Variants in GRK5 observed in about 807,000 individuals in gnomAD.
GRK5 encodes the protein G protein-coupled receptor kinase 5, also known as g protein-coupled receptor kinase GRK5.
A neutral mutation model predicts 78.4 loss-of-function variants in GRK5; 40 were observed. That is an observed-to-expected ratio of 0.51 (90% CI 0.40 to 0.66). The LOEUF is 0.66. Ranked by LOEUF, GRK5 falls within the 30% of genes least tolerant of loss-of-function variation. The pLI is 0.00. For missense variants in GRK5, 598 were observed against 759.9 expected, an observed-to-expected ratio of 0.79 and a Z score of 2.50; for synonymous variants, 289 against 296.8, an observed-to-expected ratio of 0.97 and a Z score of 0.27.
rs559152031 is a variant in GRK5 at position 119,259,172 on chromosome 10, C to G, written c.52+51203C>G. Among the ~76,000 whole-genome samples, 14 of 150,018 alleles carry G rather than the reference C, an allele frequency of 9.3e-5. No homozygotes were observed. The East Asian group carries it at 2.6e-3, about 28-fold the overall frequency. ...CTCCGTCTCCCAGGTTCACGCCATTCTCCTGCCTCAGCCTCCCGAGTAGCT... is the reference window on the plus strand; with the variant it reads ...CTCCGTCTCCCAGGTTCACGCCATTGTCCTGCCTCAGCCTCCCGAGTAGCT... On this transcript the variant is annotated intron_variant, in intron 1 of 15. Coordinates refer to ENST00000392870, the MANE Select transcript of GRK5 (RefSeq NM_005308.3).
intron 2 of GRK5, chr10:119,335,781 G>A (rs975999161): frequency 1.3e-5 from 2 of 152,258 alleles, no homozygotes; most frequent in Non-Finnish European, 2.9e-5. Flanking sequence ...CAGCAGCGAG[G>A]GCTCCTGGAA....
At chr10:119,251,618 G>A (rs893488533) in intron 1 of GRK5, among the ~76,000 whole-genome samples, 2 of 152,170 alleles carry the variant, frequency 1.3e-5, no homozygotes, top group Non-Finnish European at 2.9e-5. Context: ...CTTCTAAAGC[G>A]ATGATGAAAG....
chr10:119,394,547 GGGCACGTGTATGTT>G lies in GRK5; in HGVS notation c.262-2147_262-2134del, dbSNP rs1444735686. On this transcript the variant is annotated intron_variant, in intron 3 of 15. Coordinates refer to ENST00000392870, the MANE Select transcript of GRK5 (RefSeq NM_005308.3). ...TGTGTGGGTGTGTATCTGTGTGTGG[GGGCACGTGTATGTT>G]TGGGTGTGTGTGTGTCTGTGTGTGG... Among the ~76,000 whole-genome samples, 10 of 14,428 alleles carry G rather than the reference GGGCACGTGTATGTT, an allele frequency of 6.9e-4. 2 individuals carry two copies. The highest frequency in any genetic ancestry group is 1.4e-3 in the Non-Finnish European group (9 of 6,292). The allele number at this position is 14,428 out of a possible 152,430, so 9.5% of individuals were successfully genotyped here.
chr10:119,282,236 G>A (rs890949067), intron 1 of GRK5, among the ~76,000 whole-genome samples: 3 of 152,138 alleles, frequency 2.0e-5, no homozygotes, highest in Non-Finnish European at 2.9e-5. Flanking sequence ...GTGAGCACTG[G>A]GCTGTCTCTT....
intron 1 of GRK5, among the ~76,000 whole-genome samples, chr10:119,258,723 G>A (rs1305095202): frequency 2.6e-5 from 4 of 152,274 alleles, no homozygotes; most frequent in Non-Finnish European, 4.4e-5. Flanking sequence ...TAGTTTATCC[G>A]GGGGTCAATG....
intron 4 of GRK5, among the ~76,000 whole-genome samples, chr10:119,419,451 T>C (rs2133879959): frequency 6.6e-6 from 1 of 152,368 alleles, no homozygotes; most frequent in South Asian, 2.1e-4. Flanking sequence ...TCAGACGCAA[T>C]GGCCAGCAGC....
intron 1 of GRK5, among the ~76,000 whole-genome samples, chr10:119,249,790 T>C (rs754411270): frequency 1.3e-5 from 2 of 152,272 alleles, no homozygotes. Context: ...CGTGAGCCAC[T>C]GCGTCCAGCT....
intron 12 of GRK5, among the ~76,000 whole-genome samples, chr10:119,444,032 T>C (rs1853094245): frequency 6.6e-6 from 1 of 152,046 alleles, no homozygotes; most frequent in African/African-American, 2.4e-5. Flanking sequence ...ACATCCAGCC[T>C]GTGGGGGGGT....
At chr10:119,388,711 A>G (rs575237126) in intron 3 of GRK5, among the ~76,000 whole-genome samples, 1 of 152,378 alleles carries the variant, frequency 6.6e-6, no homozygotes, top group Admixed American at 6.5e-5. Flanking sequence ...TTTGTGGGTC[A>G]GGAATTTGGG....
At chr10:119,262,270 C>G (rs1042806184) in intron 1 of GRK5, among the ~76,000 whole-genome samples, 1 of 149,674 alleles carries the variant, frequency 6.7e-6, no homozygotes, top group Non-Finnish European at 1.5e-5. Context: ...TTTCTGAAGT[C>G]AGAGCCAAAT....
chr10:119,338,720 G>C (rs1459398056), intron 2 of GRK5, among the ~76,000 whole-genome samples: 1 of 151,306 alleles, frequency 6.6e-6, no homozygotes, highest in Non-Finnish European at 1.5e-5. Context: ...CATCCACCCA[G>C]GCCCCCGGTC....
chr10:119,290,158 G>A (rs1226342364), intron 1 of GRK5, among the ~76,000 whole-genome samples: 3 of 151,926 alleles, frequency 2.0e-5, no homozygotes, highest in Non-Finnish European at 2.9e-5. Context: ...ACTACCCTGG[G>A]TAACATGGTG....
intron 2 of GRK5, among the ~76,000 whole-genome samples, chr10:119,332,323 T>A (rs1850795815): frequency 6.6e-6 from 1 of 152,104 alleles, no homozygotes; most frequent in South Asian, 2.1e-4. Flanking sequence ...CCCAGGCTGG[T>A]CTCAAACTCC....
chr10:119,277,425 A>G (rs915845054), intron 1 of GRK5, among the ~76,000 whole-genome samples: 1 of 152,142 alleles, frequency 6.6e-6, no homozygotes, highest in Non-Finnish European at 1.5e-5. Flanking sequence ...TGATCTCTGC[A>G]TGCATTCTGT....
intron 1 of GRK5, among the ~76,000 whole-genome samples, chr10:119,269,099 C>G (rs948353813): frequency 1.3e-5 from 2 of 152,216 alleles, no homozygotes; most frequent in African/African-American, 4.8e-5. Context: ...TTACCTCATT[C>G]TAGACTCTTC....
chr10:119,249,962 T>C (rs1467077880), intron 1 of GRK5, among the ~76,000 whole-genome samples: 1 of 152,216 alleles, frequency 6.6e-6, no homozygotes, highest in Non-Finnish European at 1.5e-5. Flanking sequence ...ATGGCCCCAC[T>C]AAGTCATGCT....
intron 1 of GRK5, among the ~76,000 whole-genome samples, chr10:119,246,432 G>T (rs1055455964): frequency 6.6e-6 from 1 of 152,176 alleles, no homozygotes; most frequent in African/African-American, 2.4e-5. Flanking sequence ...GGAACCTGTG[G>T]ATAGGGAGGG....
chr10:119,218,074 TTGTGTGTG>T lies in GRK5; in HGVS notation c.52+10127_52+10134del, dbSNP rs59742803. Among the ~76,000 whole-genome samples, 22 of 146,586 alleles carry T rather than the reference TTGTGTGTG, an allele frequency of 1.5e-4. 1 individual carries two copies. In the East Asian group the frequency reaches 2.8e-3, roughly 19 times the overall value. ...GCATTTAGAAACCATGTCAACCCGT[TTGTGTGTG>T]TGTGTGTGTGTGTGTGTGTGTTGCG... On this transcript the variant is annotated intron_variant, in intron 1 of 15. Transcript: ENST00000392870.
intron 1 of GRK5, among the ~76,000 whole-genome samples, chr10:119,325,350 G>T (rs975283887): frequency 6.6e-6 from 1 of 152,224 alleles, no homozygotes; most frequent in African/African-American, 2.4e-5. Flanking sequence ...GTGGAGGACA[G>T]GTTGGGCTGG....
Sources: gnomAD v4.1 joint callset for allele counts (sites outside exome capture counted in the v4.1 genomes callset) on GRCh38, gnomAD v4.1.1 for gene constraint, MANE v1.5 for transcripts, NCBI Gene and HGNC (gene_info 2026-07-23, HGNC 2026-07-21) for gene names.